Variants in MTUS1 observed in about 807,000 individuals in gnomAD.
MTUS1 encodes the protein microtubule-associated tumor suppressor 1.
Under a neutral mutation model 120.8 loss-of-function variants are expected in MTUS1, and 109 were observed. That is an observed-to-expected ratio of 0.90 (90% CI 0.77 to 1.06). MTUS1 has a LOEUF of 1.06. Ranked by LOEUF, MTUS1 falls within the 50% of genes least tolerant of loss-of-function variation. MTUS1 has a pLI of 0.00. For missense variants in MTUS1, 2,210 were observed against 1,486.3 expected, an observed-to-expected ratio of 1.49 and a Z score of -8.01; for synonymous variants, 737 against 550.5, an observed-to-expected ratio of 1.34 and a Z score of -4.74.
At chr8:17,684,704 G>C (rs974642368) in intron 6 of MTUS1, among the ~76,000 whole-genome samples, 162 bp from the exon 7 acceptor site, 1 of 152,208 alleles carries the variant, frequency 6.6e-6, no homozygotes, top group Non-Finnish European at 1.5e-5. Context: ...CGGAGATCTA[G>C]ACGGTTGGAA....
chr8:17,715,807 T>C lies in MTUS1; in HGVS notation c.2544A>G (p.Val848=), dbSNP rs772757200. The change falls in exon 5 of 15, where the codon GTA becomes GTG. Residue 848 remains valine, a synonymous_variant. Transcript: ENST00000693296. ...TCATCAAGTGAACATGAGCCCTGGA[T>C]ACCAAAGGCTTCAAATAAAAGGATC... ...SSGSFYLKPL[V]SRAHVHLMKT... is the part of the protein sequence containing the mutation. 55 of 1,613,966 alleles carry C rather than the reference T, an allele frequency of 3.4e-5. No individual in the cohort carries two copies. Among genetic ancestry groups the C allele is most frequent in the East Asian group, 1.6e-4 (7 of 44,874 alleles).
At chr8:17,775,824 T>C (rs1027779699) in intron 1 of MTUS1, among the ~76,000 whole-genome samples, 2 of 152,170 alleles carry the variant, frequency 1.3e-5, no homozygotes, top group Non-Finnish European at 2.9e-5. Flanking sequence ...GTTACCCCAG[T>C]GGGGGCCTAA....
chr8:17,644,235 G>A lies in MTUS1; in HGVS notation c.*1691C>T, dbSNP rs781734128. ...CATGGAAGGTTACATACATGATGAA[G>A]TATTGGAAGTTAAAGACTTAAGACA... On this transcript the variant is annotated 3_prime_UTR_variant, in exon 15 of 15. Coordinates refer to ENST00000693296, the MANE Select transcript of MTUS1 (RefSeq NM_001363059.2). The A allele has an allele frequency of 2.0e-5, 3 of 152,550 alleles. No homozygotes were observed. The highest frequency in any genetic ancestry group is 7.2e-5 in the African/African-American group (3 of 41,430). 9.4% of individuals were successfully genotyped at this position (152,550 alleles called of 1,614,324 possible). A position where few individuals can be genotyped will look rare whatever the true frequency, so the allele number is the denominator to read the frequency against.
At chr8:17,730,485 TAAAA>T (rs56305317) in intron 3 of MTUS1, among the ~76,000 whole-genome samples, 3 of 122,814 alleles carry the variant, frequency 2.4e-5, no homozygotes, top group Admixed American at 8.5e-5. Flanking sequence ...ACTCTGTCTT[TAAAA>T]AAAAAAAAAA....
chr8:17,694,629 G>C (rs1458724341), intron 6 of MTUS1, among the ~76,000 whole-genome samples: 3 of 152,002 alleles, frequency 2.0e-5, no homozygotes, highest in Non-Finnish European at 4.4e-5. Flanking sequence ...GACAGCACCA[G>C]TGCACTCCAG....
At chr8:17,689,039 A>G (rs555310602) in intron 6 of MTUS1, among the ~76,000 whole-genome samples, 47 of 152,144 alleles carry the variant, frequency 3.1e-4, no homozygotes, top group Admixed American at 1.5e-3. Flanking sequence ...GTGAAACCCC[A>G]TCTCGACTAA....
rs546805133 is a variant in MTUS1, at chr8:17,747,231, A to AG, written c.2092-3433_2092-3432insC. ...GTTCCATTCTCCCAGCTCCCACCAC[A>AG]CCTACCTAGAGTCCCCTAAATTAGA... is the stretch of plus-strand genomic sequence containing the variant. On this transcript the variant is annotated intron_variant, in intron 2 of 14. Transcript: ENST00000693296. 8.4e-4 allele frequency among the ~76,000 whole-genome samples: 121 copies of AG among 143,612 alleles called. No homozygotes were observed. In the Middle Eastern group the frequency reaches 0.014, roughly 16 times the overall value. The allele number at this position is 143,612 out of a possible 152,430, so 94.2% of individuals were successfully genotyped here.
chr8:17,711,387 G>A (rs750774483), intron 6 of MTUS1, among the ~76,000 whole-genome samples: 5 of 152,106 alleles, frequency 3.3e-5, no homozygotes, highest in Admixed American at 1.3e-4. Context: ...TTGCTGCTTC[G>A]CCCTGTACTT....
chr8:17,770,585 G>C (rs960059476), intron 1 of MTUS1: 1 of 152,188 alleles, frequency 6.6e-6, no homozygotes, highest in Non-Finnish European at 1.5e-5. Flanking sequence ...CCAGACTACA[G>C]GAAATACAAA....
chr8:17,790,983 T>C (rs1170669016), intron 1 of MTUS1, among the ~76,000 whole-genome samples: 1 of 151,830 alleles, frequency 6.6e-6, no homozygotes, highest in Non-Finnish European at 1.5e-5. Flanking sequence ...AAACTATCGG[T>C]GGGGGCGGGG....
At chr8:17,731,256 C>G (rs150549929) in intron 3 of MTUS1, among the ~76,000 whole-genome samples, 1 of 152,126 alleles carries the variant, frequency 6.6e-6, no homozygotes, top group South Asian at 2.1e-4. Flanking sequence ...TTGACAATCT[C>G]GAGGTAGATC....
chr8:17,755,636 A>G lies in MTUS1; in HGVS notation c.172T>C (p.Tyr58His), dbSNP rs1213760401. The G allele has an allele frequency of 6.2e-7, 1 of 1,614,124 alleles. No homozygotes were observed. The highest frequency in any genetic ancestry group is 8.5e-7 in the Non-Finnish European group (1 of 1,180,046). ...SANPDDMVVDYETDPAVVTGE... is the reference protein window; with the variant it reads ...SANPDDMVVDHETDPAVVTGE... The stretch of plus-strand genomic sequence containing the variant: ...GTAACTACAGCAGGGTCAGTTTCAT[A>G]ATCAACCACCATGTCATCTGGGTTG... The change falls in exon 2 of 15, where the codon TAT becomes CAT. Residue 58 changes from tyrosine (Y) to histidine (H), a missense_variant. Coordinates refer to ENST00000693296, the MANE Select transcript of MTUS1 (RefSeq NM_001363059.2).
chr8:17,713,368 C>T, intron 5 of MTUS1, 116 bp from the exon 6 acceptor site: 1 of 671,892 alleles, frequency 1.5e-6, no homozygotes, highest in Non-Finnish European at 2.5e-6. Context: ...ATTTCAGGTT[C>T]CCGGTGGGAA....
At chr8:17,770,954 A>T (rs907584419) in intron 1 of MTUS1, among the ~76,000 whole-genome samples, 3 of 152,252 alleles carry the variant, frequency 2.0e-5, no homozygotes. Flanking sequence ...TGGATTAAAG[A>T]AACTGGAATA....
intron 3 of MTUS1, among the ~76,000 whole-genome samples, chr8:17,733,482 G>A (rs2046733024): frequency 6.6e-6 from 1 of 152,136 alleles, no homozygotes; most frequent in African/African-American, 2.4e-5. Flanking sequence ...TTTGGTGGTG[G>A]TAAGATGACA....
intron 7 of MTUS1, among the ~76,000 whole-genome samples, chr8:17,681,815 G>A (rs945833203): frequency 2.0e-5 from 3 of 151,644 alleles, no homozygotes; most frequent in East Asian, 1.9e-4. Flanking sequence ...CATGAGTTAC[G>A]TAATTATAAA....
At position 17,711,902 on chromosome 8, in the gene MTUS1, G is replaced by C. The variant is rs139318924; in HGVS notation, c.2623+1312C>G. 1.6e-4 allele frequency among the ~76,000 whole-genome samples: 25 copies of C among 152,310 alleles called. No individual in the cohort carries two copies. The Middle Eastern group carries it at 0.014, about 83-fold the overall frequency. ...GAATAAGGAAGACCAAGAAAAGGGAGAGAGATGGAAGAGGGACCAGTCAGT... is the reference window on the plus strand; with the variant it reads ...GAATAAGGAAGACCAAGAAAAGGGACAGAGATGGAAGAGGGACCAGTCAGT... On this transcript the variant is annotated intron_variant, in intron 6 of 14. Transcript: ENST00000693296.
intron 1 of MTUS1, among the ~76,000 whole-genome samples, chr8:17,775,127 G>A (rs987531514): frequency 6.6e-6 from 1 of 151,892 alleles, no homozygotes; most frequent in African/African-American, 2.4e-5. Context: ...TGTTAAATGG[G>A]TACAGTTTCT....
At chr8:17,680,920 T>C (rs554472708) in intron 7 of MTUS1, among the ~76,000 whole-genome samples, 1 of 151,924 alleles carries the variant, frequency 6.6e-6, no homozygotes, top group Admixed American at 6.6e-5. Flanking sequence ...ACTTGTGTTC[T>C]TCATTTAATT....
Sources: allele counts gnomAD v4.1 joint callset (sites outside exome capture counted in the v4.1 genomes callset), GRCh38; gene constraint gnomAD v4.1.1; transcripts MANE v1.5; gene names NCBI Gene and HGNC (gene_info 2026-07-23, HGNC 2026-07-21).